Variants in ZNF722 observed in about 807,000 individuals in gnomAD.
ZNF722 encodes zinc finger protein 479 pseudogene.
the ZNF722 span, among the ~76,000 whole-genome samples, chr7:64,017,506 T>C: frequency 3.3e-5 from 5 of 152,364 alleles, no homozygotes; most frequent in East Asian, 1.9e-4. Context: ...AGGATTGTTA[T>C]ACCTTTACTG....
At chr7:63,999,042 T>C in the ZNF722 span, 2 of 1,563,560 alleles carry the variant, frequency 1.3e-6, no homozygotes, top group Admixed American at 1.7e-5. Flanking sequence ...CGGGAGACGG[T>C]TGGAACCGGC....
chr7:64,004,288 A>G, the ZNF722 span, among the ~76,000 whole-genome samples: 1 of 150,206 alleles, frequency 6.7e-6, no homozygotes, highest in East Asian at 2.0e-4. Flanking sequence ...ACACACGTGT[A>G]ATCCCAGCTA....
the ZNF722 span, chr7:64,015,980 AC>A: frequency 2.9e-6 from 3 of 1,049,292 alleles, no homozygotes; most frequent in Non-Finnish European, 4.1e-6. Flanking sequence ...CTGGAAAAAA[AC>A]ACTACAAGTG....
the ZNF722 span, among the ~76,000 whole-genome samples, chr7:64,014,213 G>A: frequency 6.6e-6 from 1 of 150,558 alleles, no homozygotes; most frequent in East Asian, 2.0e-4. Context: ...TTCCACAATT[G>A]TTTATTTTTA....
At chr7:64,016,624 G>A in the ZNF722 span, among the ~76,000 whole-genome samples, 2 of 152,090 alleles carry the variant, frequency 1.3e-5, no homozygotes, top group African/African-American at 4.8e-5. Flanking sequence ...ATATGGCAAT[G>A]TCTTTAAAAA....
chr7:63,999,512 A>AT, the ZNF722 span, among the ~76,000 whole-genome samples: 2 of 152,120 alleles, frequency 1.3e-5, no homozygotes, highest in Admixed American at 1.3e-4. Flanking sequence ...CTTGAAGGAA[A>AT]TTCTGTTATA....
chr7:64,014,405 A>G, the ZNF722 span, among the ~76,000 whole-genome samples: 1 of 152,040 alleles, frequency 6.6e-6, no homozygotes, highest in Non-Finnish European at 1.5e-5. Context: ...TATTTTGTAT[A>G]CATTATAATC....
At chr7:64,003,243 A>C in the ZNF722 span, among the ~76,000 whole-genome samples, 277 of 152,180 alleles carry the variant, frequency 1.8e-3, 2 homozygotes, top group African/African-American at 6.4e-3. Context: ...AGGGCAGGGA[A>C]AAAGAAACTT....
At chr7:64,002,106 C>A in the ZNF722 span, among the ~76,000 whole-genome samples, 1 of 152,102 alleles carries the variant, frequency 6.6e-6, no homozygotes, top group African/African-American at 2.4e-5. Context: ...TGGTCTCAAA[C>A]TCCTGACCTT....
chr7:64,016,454 A>G, the ZNF722 span, among the ~76,000 whole-genome samples: 10 of 152,182 alleles, frequency 6.6e-5, no homozygotes, highest in Non-Finnish European at 8.8e-5. Context: ...AAAAAAAGTG[A>G]AAAAACCTTT....
chr7:64,015,991 G>A, the ZNF722 span: 7 of 988,848 alleles, frequency 7.1e-6, no homozygotes, highest in Non-Finnish European at 1.0e-5. Flanking sequence ...CACTACAAGT[G>A]TAGAGAATAT....
chr7:63,998,933 C>A, the ZNF722 span: 1 of 1,573,612 alleles, frequency 6.4e-7, no homozygotes, highest in African/African-American at 1.3e-5. Context: ...GCCTCTGTGG[C>A]CTTGTGTCCT....
the ZNF722 span, among the ~76,000 whole-genome samples, chr7:64,004,173 G>A: frequency 6.6e-6 from 1 of 151,658 alleles, no homozygotes; most frequent in African/African-American, 2.4e-5. Context: ...GGCCAAGGCA[G>A]GCGGATCATG....
chr7:64,017,976 C>T, the ZNF722 span, among the ~76,000 whole-genome samples: 2 of 152,108 alleles, frequency 1.3e-5, no homozygotes, highest in Non-Finnish European at 2.9e-5. Context: ...TCAATTGTTG[C>T]ATCAGAGATA....
the ZNF722 span, among the ~76,000 whole-genome samples, chr7:64,018,059 A>C: frequency 6.6e-6 from 1 of 152,148 alleles, no homozygotes; most frequent in Non-Finnish European, 1.5e-5. Flanking sequence ...TCATTAAATA[A>C]AGTTGTTTTT....
At chr7:64,004,198 C>T in the ZNF722 span, among the ~76,000 whole-genome samples, 4 of 149,400 alleles carry the variant, frequency 2.7e-5, no homozygotes, top group Non-Finnish European at 4.4e-5. Context: ...GTCAGGAGTT[C>T]GAGGCCAGAC....
At chr7:64,004,425 A>AAATATATATATATATAT in the ZNF722 span, among the ~76,000 whole-genome samples, 5 of 61,112 alleles carry the variant, frequency 8.2e-5, no homozygotes, top group African/African-American at 2.4e-4. Flanking sequence ...AAAAAAAAAA[A>AAATATATATATATATAT]ATATATATAT....
At chr7:64,008,517 T>C in the ZNF722 span, among the ~76,000 whole-genome samples, 2 of 152,232 alleles carry the variant, frequency 1.3e-5, no homozygotes, top group Non-Finnish European at 2.9e-5. Flanking sequence ...TCCCCATTTC[T>C]TGTTTTTGTC....
chr7:64,005,608 T>A, the ZNF722 span: 2 of 1,122,230 alleles, frequency 1.8e-6, no homozygotes, highest in Non-Finnish European at 2.7e-6. Context: ...TTTGTTTTTT[T>A]CAGAGACTGT....
Sources: gnomAD v4.1 joint callset for allele counts (sites outside exome capture counted in the v4.1 genomes callset) on GRCh38, gnomAD v4.1.1 for gene constraint, MANE v1.5 for transcripts, NCBI Gene and HGNC (gene_info 2026-07-23, HGNC 2026-07-21) for gene names.